Variants in WDR7 observed in about 807,000 individuals in gnomAD.
WDR7 encodes WD repeat-containing protein 7.
A neutral mutation model predicts 169.4 loss-of-function variants in WDR7; 46 were observed. That is an observed-to-expected ratio of 0.27 (90% CI 0.21 to 0.35). The LOEUF is 0.35. WDR7 is among the 10% of genes least tolerant of loss of function. WDR7 has a pLI of 1.00. For missense variants in WDR7, 1,534 were observed against 1,859.3 expected, an observed-to-expected ratio of 0.83 and a Z score of 3.22; for synonymous variants, 612 against 666.8, an observed-to-expected ratio of 0.92 and a Z score of 1.27.
At chr18:56,804,295 C>T (rs1380647972) in intron 19 of WDR7, among the ~76,000 whole-genome samples, 3 of 152,072 alleles carry the variant, frequency 2.0e-5, no homozygotes, top group Non-Finnish European at 4.4e-5. Context: ...CTCTAAAATT[C>T]CAAATATTGA....
intron 26 of WDR7, among the ~76,000 whole-genome samples, chr18:56,971,281 CAAAAA>C (rs35114589): frequency 9.7e-6 from 1 of 102,992 alleles, no homozygotes; most frequent in Non-Finnish European, 2.1e-5. Flanking sequence ...TTCTGTCTCC[CAAAAA>C]AAAAAAAAAA....
At chr18:56,911,906 G>A (rs1164146402) in intron 21 of WDR7, among the ~76,000 whole-genome samples, 3 of 152,138 alleles carry the variant, frequency 2.0e-5, no homozygotes, top group Non-Finnish European at 4.4e-5. Context: ...GTCATTGTTT[G>A]GGTTTTATGT....
At chr18:56,664,553 A>G (rs1170626360) in intron 1 of WDR7, among the ~76,000 whole-genome samples, 1 of 136,856 alleles carries the variant, frequency 7.3e-6, no homozygotes, top group African/African-American at 2.7e-5. Context: ...TTTAAGAGAC[A>G]TTTTTCCTCA....
At chr18:56,764,415 T>C (rs913471142) in intron 16 of WDR7, among the ~76,000 whole-genome samples, 2 of 152,158 alleles carry the variant, frequency 1.3e-5, no homozygotes, top group African/African-American at 4.8e-5. Context: ...TGTGTTTATA[T>C]ATGGGCCAAT....
At chr18:56,872,082 A>G (rs2045960455) in intron 20 of WDR7, among the ~76,000 whole-genome samples, 1 of 149,788 alleles carries the variant, frequency 6.7e-6, no homozygotes, top group Admixed American at 6.6e-5. Context: ...AGCCCCATCA[A>G]TATATGGCTC....
intron 20 of WDR7, among the ~76,000 whole-genome samples, chr18:56,838,250 G>A (rs1216225369): frequency 6.6e-6 from 1 of 151,770 alleles, no homozygotes; most frequent in Non-Finnish European, 1.5e-5. Flanking sequence ...CTGAAAGTAT[G>A]TTCTTTGATC....
intron 13 of WDR7, chr18:56,721,323 A>G (rs3937477): frequency 0.73 from 110,310 of 152,094 alleles, 44,164 homozygotes; most frequent in East Asian, 0.96. Flanking sequence ...TTTCCTTCAA[A>G]TGAGTACTTT....
chr18:56,997,700 CT>C, intron 26 of WDR7, among the ~76,000 whole-genome samples: 1 of 151,942 alleles, frequency 6.6e-6, no homozygotes, highest in Non-Finnish European at 1.5e-5. Flanking sequence ...TTTTTTGGCA[CT>C]TGGATTGATC....
intron 26 of WDR7, among the ~76,000 whole-genome samples, chr18:56,998,254 G>A (rs2047926483): frequency 6.6e-6 from 1 of 152,142 alleles, no homozygotes; most frequent in African/African-American, 2.4e-5. Flanking sequence ...TTTAAACTCG[G>A]GTCTCTTGGG....
Position 56,756,964 on chromosome 18 carries a change from T to C in WDR7, c.2371T>C (p.Leu791=). 1 of 1,614,150 alleles carries C rather than the reference T, an allele frequency of 6.2e-7. No individual in the cohort carries two copies. Among genetic ancestry groups the C allele is most frequent in the Non-Finnish European group, 8.5e-7 (1 of 1,180,030 alleles). The change falls in exon 15 of 28, where the codon TTA becomes CTA. Residue 791 remains leucine, a synonymous_variant. Transcript: ENST00000254442. Reference sequence around the variant, plus strand: ...CAGCAAATCAAAGCCATTGACCCTATTAGAATATAATTTAACTATGGACAC... The same window carrying C: ...CAGCAAATCAAAGCCATTGACCCTACTAGAATATAATTTAACTATGGACAC... The part of the protein sequence containing the change: ...RSSKSKPLTL[L]EYNLTMDTAK...
intron 21 of WDR7, among the ~76,000 whole-genome samples, chr18:56,913,994 C>T (rs2046588571): frequency 6.6e-6 from 1 of 152,118 alleles, no homozygotes; most frequent in Non-Finnish European, 1.5e-5. Context: ...GCATCACTGT[C>T]CTCCACATAA....
intron 26 of WDR7, among the ~76,000 whole-genome samples, chr18:56,968,020 CACAG>C (rs2047435576): frequency 6.6e-6 from 1 of 151,804 alleles, no homozygotes; most frequent in Non-Finnish European, 1.5e-5. Flanking sequence ...GTGAGAAAAC[CACAG>C]ACAGACTGTA....
At chr18:57,015,292 C>T (rs2048191136) in intron 26 of WDR7, among the ~76,000 whole-genome samples, 1 of 152,170 alleles carries the variant, frequency 6.6e-6, no homozygotes, top group African/African-American at 2.4e-5. Flanking sequence ...CTTGAACCTT[C>T]TAATCGGCCA....
At chr18:56,762,146 A>C (rs1460659317) in intron 16 of WDR7, among the ~76,000 whole-genome samples, 1 of 151,966 alleles carries the variant, frequency 6.6e-6, no homozygotes, top group Non-Finnish European at 1.5e-5. Flanking sequence ...TAGAACATAA[A>C]CCCAATCTTG....
Position 56,924,214 on chromosome 18 carries a change from T to C in WDR7, c.3713+106T>C, listed in dbSNP as rs995539224. 7 of 1,238,298 alleles carry C rather than the reference T, an allele frequency of 5.7e-6. No individual in the cohort carries two copies. The African/African-American group carries it at 9.5e-5, about 17-fold the overall frequency. 76.7% of individuals were successfully genotyped at this position (1,238,298 alleles called of 1,614,324 possible). ...GTATAGATTGTGCATGTTTAATAGA[T>C]AAAAAATACACAAATGTTTCAATAT... On this transcript the variant is annotated intron_variant, in intron 22 of 27. Transcript: ENST00000254442.
At chr18:56,796,692 T>G (rs1445479393) in intron 19 of WDR7, among the ~76,000 whole-genome samples, 1 of 152,178 alleles carries the variant, frequency 6.6e-6, no homozygotes, top group African/African-American at 2.4e-5. Context: ...AGAAAAAGAT[T>G]TAATACCTAC....
At chr18:57,004,023 G>C (rs1446177366) in intron 26 of WDR7, among the ~76,000 whole-genome samples, 1 of 151,700 alleles carries the variant, frequency 6.6e-6, no homozygotes, top group Non-Finnish European at 1.5e-5. Flanking sequence ...ATGTGTGTAT[G>C]TGTGTGTGCG....
At chr18:56,914,889 C>T (rs375213059) in intron 21 of WDR7, among the ~76,000 whole-genome samples, 5 of 152,230 alleles carry the variant, frequency 3.3e-5, no homozygotes, top group African/African-American at 2.4e-5. Context: ...CCCTACATGA[C>T]ACAACTTAAT....
chr18:56,846,780 G>T (rs557059079), intron 20 of WDR7, among the ~76,000 whole-genome samples: 9 of 152,266 alleles, frequency 5.9e-5, no homozygotes, highest in African/African-American at 2.2e-4. Flanking sequence ...TGCCATGATT[G>T]TAAGTTTCCT....
Sources: gnomAD v4.1 joint callset for allele counts (sites outside exome capture counted in the v4.1 genomes callset) on GRCh38, gnomAD v4.1.1 for gene constraint, MANE v1.5 for transcripts, NCBI Gene and HGNC (gene_info 2026-07-23, HGNC 2026-07-21) for gene names.